TEAD1: variants seen among roughly 807,000 people sequenced by gnomAD.
TEAD1 encodes the protein transcriptional enhancer factor TEF-1.
A neutral mutation model predicts 54.9 loss-of-function variants in TEAD1; 9 were observed. That is an observed-to-expected ratio of 0.16 (90% CI 0.10 to 0.29). TEAD1 has a LOEUF of 0.29. Ranked by LOEUF, TEAD1 falls within the 10% of genes least tolerant of loss-of-function variation. TEAD1 has a pLI of 1.00. For missense variants in TEAD1, 387 were observed against 535.9 expected (o/e 0.72, Z 2.74); for synonymous variants, 200 against 187.8 (o/e 1.07, Z -0.53).
At chr11:12,781,541 C>T (rs191624979) in intron 3 of TEAD1, among the ~76,000 whole-genome samples, 1 of 151,368 alleles carries the variant, frequency 6.6e-6, no homozygotes, top group South Asian at 2.1e-4. Context: ...AAAAGACATA[C>T]GTTGAAAAAC....
At chr11:12,700,685 G>A (rs1943682522) in intron 2 of TEAD1, among the ~76,000 whole-genome samples, 1 of 152,058 alleles carries the variant, frequency 6.6e-6, no homozygotes, top group African/African-American at 2.4e-5. Context: ...AGAAGTGTGG[G>A]ATATTTGAAT....
rs899794885 is a variant in TEAD1, at chr11:12,938,963, C to T, written c.*1741C>T. ...TTCTACCACATCCAATTAACTTACA[C>T]ACCCCCTTCCCTGTCTCAACACCTG... On this transcript the variant is annotated 3_prime_UTR_variant, in exon 13 of 13. Coordinates refer to ENST00000527636, the MANE Select transcript of TEAD1 (RefSeq NM_021961.6). The T allele has an allele frequency of 1.3e-5, 2 of 152,244 alleles. No homozygotes were observed. The highest frequency in any genetic ancestry group is 2.9e-5 in the Non-Finnish European group (2 of 68,044). The allele number at this position is 152,244 out of a possible 1,614,324, so 9.4% of individuals were successfully genotyped here.
intron 2 of TEAD1, among the ~76,000 whole-genome samples, chr11:12,726,992 C>T (rs1201867272): frequency 6.6e-6 from 1 of 152,140 alleles, no homozygotes; most frequent in Admixed American, 6.5e-5. Context: ...GTAATCCCAG[C>T]ACTTTGGGAG....
chr11:12,817,997 G>A (rs1946451710), intron 3 of TEAD1, among the ~76,000 whole-genome samples: 1 of 152,326 alleles, frequency 6.6e-6, no homozygotes, highest in Non-Finnish European at 1.5e-5. Flanking sequence ...ATATCTGGAT[G>A]GCAAAGAAAA....
intron 5 of TEAD1, chr11:12,865,200 AT>A (rs113921279): frequency 0.1 from 34,603 of 330,730 alleles, 1 homozygote; most frequent in South Asian, 0.17. Flanking sequence ...CAGAAACATG[AT>A]TTTTTTTTTT....
chr11:12,913,337 A>G lies in TEAD1; in HGVS notation c.873+11224A>G, dbSNP rs917770827. Among the ~76,000 whole-genome samples, 5 of 152,338 alleles carry G rather than the reference A, an allele frequency of 3.3e-5. No individual in the cohort carries two copies. The South Asian group carries it at 8.3e-4, about 25-fold the overall frequency. ...TAGTTTGAGCAGTTGAAAAGAATAT[A>G]GAATAAAAAGTGAGATCCTCCTTGC... is the stretch of plus-strand genomic sequence containing the variant. On this transcript the variant is annotated intron_variant, in intron 10 of 12. Transcript: ENST00000527636.
intron 2 of TEAD1, among the ~76,000 whole-genome samples, chr11:12,683,191 G>A (rs1242176567): frequency 6.6e-6 from 1 of 152,168 alleles, no homozygotes; most frequent in Non-Finnish European, 1.5e-5. Flanking sequence ...GTTTCAATAT[G>A]TATAAAATAA....
intron 3 of TEAD1, among the ~76,000 whole-genome samples, chr11:12,835,291 T>C (rs566126203): frequency 6.6e-6 from 1 of 152,308 alleles, no homozygotes; most frequent in East Asian, 1.9e-4. Flanking sequence ...GAATTTATAC[T>C]TGCAGAGCAT....
At chr11:12,737,037 G>C (rs1007324991) in intron 2 of TEAD1, among the ~76,000 whole-genome samples, 1 of 152,116 alleles carries the variant, frequency 6.6e-6, no homozygotes, top group African/African-American at 2.4e-5. Context: ...CTGTAAGCCA[G>C]GAGTCTACTT....
intron 5 of TEAD1, 67 bp downstream of exon 5, chr11:12,864,967 T>C: frequency 1.3e-6 from 2 of 1,543,274 alleles, no homozygotes; most frequent in South Asian, 1.1e-5. Context: ...CCATGGTGAC[T>C]GGTGAATGCC....
chr11:12,742,615 G>C (rs1944669498), intron 2 of TEAD1, among the ~76,000 whole-genome samples: 1 of 152,116 alleles, frequency 6.6e-6, no homozygotes, highest in Non-Finnish European at 1.5e-5. Flanking sequence ...TATTGAAGGT[G>C]ATGGATATGT....
chr11:12,752,060 G>A (rs1254092435), intron 2 of TEAD1, among the ~76,000 whole-genome samples: 2 of 152,156 alleles, frequency 1.3e-5, no homozygotes, highest in Non-Finnish European at 2.9e-5. Flanking sequence ...ATTCACTCTA[G>A]AGACAAATCC....
At chr11:12,778,465 T>A (rs990802748) in intron 3 of TEAD1, among the ~76,000 whole-genome samples, 2 of 152,130 alleles carry the variant, frequency 1.3e-5, no homozygotes, top group Non-Finnish European at 2.9e-5. Context: ...AGAGCTAATT[T>A]TTCCCTCTCT....
At chr11:12,806,291 C>T (rs1482270680) in intron 3 of TEAD1, among the ~76,000 whole-genome samples, 1 of 152,194 alleles carries the variant, frequency 6.6e-6, no homozygotes, top group Non-Finnish European at 1.5e-5. Flanking sequence ...ACCTTCTTCT[C>T]CTTCCTCCTG....
chr11:12,754,594 G>A (rs1349458346), intron 2 of TEAD1, among the ~76,000 whole-genome samples: 4 of 152,180 alleles, frequency 2.6e-5, no homozygotes, highest in Non-Finnish European at 4.4e-5. Context: ...TAGGTTGACA[G>A]GAAAGAGTTT....
rs1949173537 is a variant in TEAD1, at chr11:12,942,818, A to C, written c.*5596A>C. The stretch of plus-strand genomic sequence containing the variant: ...TATGAATGTGCTACGAGAAACTTCC[A>C]AAGAGCACCATTCACAATTTGGCAT... On this transcript the variant is annotated 3_prime_UTR_variant, in exon 13 of 13. Transcript: ENST00000527636. 6.6e-6 allele frequency: 1 copy of C among 152,232 alleles called. No homozygotes were observed. The allele number at this position is 152,232 out of a possible 1,614,324, so 9.4% of individuals were successfully genotyped here.
At chr11:12,929,190 G>GTT (rs1473177635) in intron 11 of TEAD1, among the ~76,000 whole-genome samples, 1 of 85,184 alleles carries the variant, frequency 1.2e-5, no homozygotes, top group Non-Finnish European at 2.6e-5. Flanking sequence ...GTGTGTGTGT[G>GTT]TGTGTGTGTG....
At chr11:12,934,026 C>T (rs1044441289) in intron 12 of TEAD1, among the ~76,000 whole-genome samples, 9 of 152,178 alleles carry the variant, frequency 5.9e-5, no homozygotes, top group Non-Finnish European at 1.3e-4. Context: ...ACCCAGCCAT[C>T]CCATTACTGG....
chr11:12,868,117 C>G (rs1947661611), intron 5 of TEAD1, among the ~76,000 whole-genome samples: 1 of 152,216 alleles, frequency 6.6e-6, no homozygotes, highest in Admixed American at 6.5e-5. Context: ...ATGGAGGCCA[C>G]TGCCAGATGT....
Sources: allele counts gnomAD v4.1 joint callset (sites outside exome capture counted in the v4.1 genomes callset), GRCh38; gene constraint gnomAD v4.1.1; transcripts MANE v1.5; gene names NCBI Gene and HGNC (gene_info 2026-07-23, HGNC 2026-07-21).